Variants in C12orf56 observed in about 807,000 individuals in gnomAD.
The protein encoded by C12orf56 is chromosome 12 open reading frame 56.
A neutral mutation model predicts 69.9 loss-of-function variants in C12orf56; 71 were observed. That is an observed-to-expected ratio of 1.02 (90% CI 0.84 to 1.24). The LOEUF (loss-of-function observed/expected upper bound fraction) is 1.24. Among genes scored for constraint, C12orf56 ranks in the 50% most tolerant of loss-of-function variants. The pLI, the probability that C12orf56 is intolerant of heterozygous loss-of-function variation, is 0.00. For missense variants in C12orf56, 732 were observed against 738.5 expected, an observed-to-expected ratio of 0.99 and a Z score of 0.10; for synonymous variants, 276 against 274.1, an observed-to-expected ratio of 1.01 and a Z score of -0.07.
At chr12:64,340,511 T>G (rs1002946899) in intron 2 of C12orf56, among the ~76,000 whole-genome samples, 13 of 152,184 alleles carry the variant, frequency 8.5e-5, no homozygotes, top group Non-Finnish European at 1.8e-4. Flanking sequence ...CCTAGCATAA[T>G]ACAACTATCC....
chr12:64,365,246 C>G (rs1216905073), intron 1 of C12orf56, among the ~76,000 whole-genome samples: 1 of 149,460 alleles, frequency 6.7e-6, no homozygotes, highest in Non-Finnish European at 1.5e-5. Context: ...CTCACTGCAA[C>G]CTCCGCCTTC....
intron 2 of C12orf56, among the ~76,000 whole-genome samples, chr12:64,331,469 C>G (rs985963820): frequency 6.6e-6 from 1 of 152,078 alleles, no homozygotes; most frequent in Non-Finnish European, 1.5e-5. Flanking sequence ...CCACTGCACT[C>G]TAGCCTGGGT....
chr12:64,356,884 G>A (rs2039325057), intron 1 of C12orf56, among the ~76,000 whole-genome samples: 1 of 152,100 alleles, frequency 6.6e-6, no homozygotes, highest in African/African-American at 2.4e-5. Flanking sequence ...TGCTTTCCAT[G>A]TCTATTATTT....
intron 5 of C12orf56, 67 bp downstream of exon 5, chr12:64,312,612 A>G (rs2038634594): frequency 1.6e-6 from 2 of 1,244,948 alleles, no homozygotes; most frequent in Non-Finnish European, 2.3e-6. Flanking sequence ...CAGTTTCAAA[A>G]AAAAGGAGAG....
intron 3 of C12orf56, among the ~76,000 whole-genome samples, chr12:64,323,077 T>C (rs2038792410): frequency 6.6e-6 from 1 of 152,204 alleles, no homozygotes; most frequent in Non-Finnish European, 1.5e-5. Context: ...TGTCTGGTGG[T>C]GGAAGCTGTA....
At chr12:64,342,599 A>T (rs886845508) in intron 2 of C12orf56, among the ~76,000 whole-genome samples, 1 of 152,162 alleles carries the variant, frequency 6.6e-6, no homozygotes, top group African/African-American at 2.4e-5. Flanking sequence ...GCCCGTTCAC[A>T]TATATACCAC....
intron 2 of C12orf56, among the ~76,000 whole-genome samples, chr12:64,345,316 G>T (rs2039125981): frequency 6.6e-6 from 1 of 152,112 alleles, no homozygotes; most frequent in Non-Finnish European, 1.5e-5. Context: ...CTCAGGCAGT[G>T]CAGGATTTAT....
At chr12:64,299,896 T>C (rs771158890) in intron 6 of C12orf56, among the ~76,000 whole-genome samples, 8 of 152,230 alleles carry the variant, frequency 5.3e-5, no homozygotes, top group African/African-American at 1.7e-4. Context: ...AAGTGTCTAT[T>C]TAAATTAATG....
chr12:64,359,818 A>G (rs2039374634), intron 1 of C12orf56, among the ~76,000 whole-genome samples: 1 of 151,956 alleles, frequency 6.6e-6, no homozygotes, highest in African/African-American at 2.4e-5. Context: ...GGTTCAAGCA[A>G]TTCTCCCTGC....
At chr12:64,363,792 T>C (rs1319363726) in intron 1 of C12orf56, among the ~76,000 whole-genome samples, 1 of 152,212 alleles carries the variant, frequency 6.6e-6, no homozygotes, top group Non-Finnish European at 1.5e-5. Context: ...TAATAATGTG[T>C]GACCCTTCAC....
In C12orf56 at chr12:64,390,534, G is replaced by A. The variant is rs200690603; in HGVS notation, c.32C>T (p.Ala11Val). The A allele has an allele frequency of 4.9e-5, 78 of 1,595,982 alleles. 1 individual carries two copies. In the African/African-American group the frequency reaches 7.5e-4, roughly 15 times the overall value. The change falls in exon 1 of 13, where the codon GCG becomes GTG. Residue 11 changes from alanine to valine, a missense_variant. By Grantham distance (64) the Ala-to-Val change is moderately conservative. Coordinates refer to ENST00000543942, the MANE Select transcript of C12orf56 (RefSeq NM_001170633.2). ...CACATCCAGGCGGCTGTTCCTGCGC[G>A]CGGGGAAGCCGGACGGCAAGGGGCT... MASPLPSGFP[A>V]RRNSRLDVFL...
chr12:64,313,641 ATATATTTTTATAATATATATTTAATCC>A (rs1345553817), intron 4 of C12orf56, among the ~76,000 whole-genome samples: 17 of 151,266 alleles, frequency 1.1e-4, no homozygotes, highest in Admixed American at 7.3e-4. Context: ...TATAGTATTT[ATATATTTTTATAATATATATTTAATCC>A]TAAATTATAT....
At chr12:64,269,981 T>C (rs902633987) in intron 12 of C12orf56, among the ~76,000 whole-genome samples, 10 of 152,192 alleles carry the variant, frequency 6.6e-5, no homozygotes, top group African/African-American at 2.4e-4. Flanking sequence ...GACAAACCGT[T>C]CTTCAAAGAG....
At chr12:64,297,707 G>C (rs2038385700) in intron 6 of C12orf56, among the ~76,000 whole-genome samples, 2 of 152,140 alleles carry the variant, frequency 1.3e-5, no homozygotes, top group South Asian at 2.1e-4. Flanking sequence ...TCCCTGCAAA[G>C]GACATGAACT....
At chr12:64,286,419 C>A (rs2038202423) in intron 6 of C12orf56, among the ~76,000 whole-genome samples, 1 of 152,196 alleles carries the variant, frequency 6.6e-6, no homozygotes. Flanking sequence ...CCAAAGTAAT[C>A]TGGCCTTTGT....
At chr12:64,310,868 CT>C (rs2038600502) in intron 5 of C12orf56, among the ~76,000 whole-genome samples, 2 of 152,014 alleles carry the variant, frequency 1.3e-5, no homozygotes, top group African/African-American at 4.8e-5. Context: ...TCCCTCCCCC[CT>C]TCCCCCACCC....
At chr12:64,287,207 G>A (rs1257799524) in intron 6 of C12orf56, among the ~76,000 whole-genome samples, 1 of 140,884 alleles carries the variant, frequency 7.1e-6, no homozygotes, top group Non-Finnish European at 1.5e-5. Context: ...TTGCGCCACT[G>A]CACTCCAGAC....
In C12orf56 at chr12:64,359,654, A is replaced by G. The variant is rs564072285; in HGVS notation, c.253-6598T>C. On this transcript the variant is annotated intron_variant, in intron 1 of 12. Coordinates refer to ENST00000543942, the MANE Select transcript of C12orf56 (RefSeq NM_001170633.2). ...TTCCACTGTGAGCACTGAACAGGGCAGGAAGGCTTAATCCAAAGAACATGC... is the reference window on the plus strand; with the variant it reads ...TTCCACTGTGAGCACTGAACAGGGCGGGAAGGCTTAATCCAAAGAACATGC... Among the ~76,000 whole-genome samples, 21 of 152,284 alleles carry G rather than the reference A, an allele frequency of 1.4e-4. 1 individual carries two copies. In the South Asian group the frequency reaches 4.2e-3, roughly 30 times the overall value.
intron 1 of C12orf56, among the ~76,000 whole-genome samples, chr12:64,366,126 AATAT>A (rs1398552434): frequency 1.6e-5 from 2 of 128,226 alleles, no homozygotes; most frequent in African/African-American, 3.1e-5. Flanking sequence ...TAGCTTGTAT[AATAT>A]ATAGTTTATA....
Sources: gnomAD v4.1 joint callset for allele counts (sites outside exome capture counted in the v4.1 genomes callset) on GRCh38, gnomAD v4.1.1 for gene constraint, MANE v1.5 for transcripts, NCBI Gene and HGNC (gene_info 2026-07-23, HGNC 2026-07-21) for gene names.